The following OASL variants were observed in gnomAD, a reference collection of about 807,000 sequenced individuals.
OASL encodes 2'-5'-oligoadenylate synthase-like protein.
A neutral mutation model predicts 35.3 loss-of-function variants in OASL; 28 were observed. The observed-to-expected ratio is 0.79, with a 90% CI of 0.59 to 1.09. The LOEUF is 1.09. Among genes scored for constraint, OASL ranks in the 50% least tolerant of loss-of-function variants. OASL has a pLI of 0.00. For synonymous variants in OASL, 252 were observed against 254.6 expected (o/e 0.99, Z 0.10); for missense variants, 620 against 635.2 (o/e 0.98, Z 0.26).
chr12:121,020,906 A>G, exon 6 of OASL: 1 of 1,614,244 alleles, frequency 6.2e-7, no homozygotes, highest in Admixed American at 1.7e-5. Context: ...TCTCACTGCC[A>G]GGAACCTGGA....
chr12:121,021,001 T>C (rs1869212550), exon 6 of OASL: 1 of 1,612,872 alleles, frequency 6.2e-7, no homozygotes. Context: ...GGGTTCACGA[T>C]GAGGTTGAAA....
Position 121,033,482 on chromosome 12 carries a change from C to A in OASL, c.460G>T (p.Val154Leu), listed in dbSNP as rs184510019. ...TTACCCAGGGCTCTGTAGGCAGGCA[C>A]AATGGTGACCGTGATGGGCTCCGCA... is the stretch of plus-strand genomic sequence containing the variant. The change falls in exon 2 of 6, where the codon GTG becomes TTG. Residue 154 changes from valine (V) to leucine (L), a missense_variant. Physicochemically the swap from Val to Leu is conservative, Grantham distance 32. Transcript: ENST00000257570. 2.3e-4 allele frequency: 370 copies of A among 1,613,130 alleles called. 1 individual carries two copies. In the East Asian group the frequency reaches 7.9e-3, roughly 34 times the overall value.
chr12:121,031,507 A>T, exon 3 of OASL: 1 of 1,613,988 alleles, frequency 6.2e-7, no homozygotes, highest in South Asian at 1.1e-5. Context: ...TGTTTCACGA[A>T]ATTTCTCTGC....
intron 1 of OASL, among the ~76,000 whole-genome samples, chr12:121,035,342 T>C (rs770342953): frequency 3.3e-4 from 50 of 151,902 alleles, no homozygotes; most frequent in Non-Finnish European, 6.5e-4. Context: ...CTGGCCAACA[T>C]GGTGAAAGCA....
chr12:121,020,336 T>C (rs1869177235), exon 6 of OASL: 7 of 476,006 alleles, frequency 1.5e-5, no homozygotes, highest in Non-Finnish European at 2.6e-5. Context: ...GGTCTCCCTG[T>C]GATACCCAGG....
chr12:121,038,613 G>C (rs1418276215), intron 1 of OASL, among the ~76,000 whole-genome samples, 161 bp downstream of exon 1: 1 of 152,254 alleles, frequency 6.6e-6, no homozygotes, highest in East Asian at 1.9e-4. Flanking sequence ...ACTCAAGGCA[G>C]TGGTGCAGTG....
At chr12:121,030,258 A>G (rs2701189) in intron 3 of OASL, among the ~76,000 whole-genome samples, 68,316 of 151,936 alleles carry the variant, frequency 0.45, 16,134 homozygotes, top group East Asian at 0.74. Flanking sequence ...AGGCTGGAGT[A>G]CAGTGGCGCG....
intron 1 of OASL, among the ~76,000 whole-genome samples, chr12:121,034,168 G>T (rs550218933): frequency 6.7e-6 from 1 of 150,178 alleles, no homozygotes; most frequent in African/African-American, 2.4e-5. Flanking sequence ...CTCAGGTCTC[G>T]CAGTTTGCAG....
At position 121,039,040 on chromosome 12, in the gene OASL, C is replaced by T; in HGVS notation, c.-69G>A. 1 of 1,350,308 alleles carries T rather than the reference C, an allele frequency of 7.4e-7. No individual in the cohort carries two copies. Among genetic ancestry groups the T allele is most frequent in the Non-Finnish European group, 1.0e-6 (1 of 956,584 alleles). The allele number at this position is 1,350,308 out of a possible 1,614,324, so 83.6% of individuals were successfully genotyped here. On this transcript the variant is annotated 5_prime_UTR_variant, in exon 1 of 6. The change creates a new upstream start codon in the 5' untranslated region. Transcript: ENST00000257570. ...CTCCTACCCAGCTCCCTGGCACACA[C>T]CTCCTTTTTTAAGGTAGCTCCTCCT... is the stretch of plus-strand genomic sequence containing the variant.
chr12:121,027,745 A>AG lies in OASL; in HGVS notation c.729dup (p.Trp244LeufsTer6), dbSNP rs1313755696. On this transcript the variant is annotated frameshift_variant, in exon 4 of 6. Transcript: ENST00000257570. LOFTEE classifies it high-confidence loss of function. ...TCGTCTTCTTCAGTACCCATTTCCC[A>AG]GGCATAGATGGTTAGAAGTTCAAGA... The AG allele has an allele frequency of 1.2e-6, 2 of 1,614,178 alleles. No homozygotes were observed. The highest frequency in any genetic ancestry group is 1.7e-6 in the Non-Finnish European group (2 of 1,180,018).
chr12:121,039,010 C>T (rs975118227), exon 1 of OASL: 23 of 1,572,920 alleles, frequency 1.5e-5, no homozygotes, highest in African/African-American at 6.7e-5. Flanking sequence ...AGATATATAG[C>T]CAGGCTCCTA....
At chr12:121,031,054 C>T (rs1869707910) in intron 3 of OASL, among the ~76,000 whole-genome samples, 1 of 151,992 alleles carries the variant, frequency 6.6e-6, no homozygotes, top group African/African-American at 2.4e-5. Context: ...GGGAGGATCA[C>T]TTGAGCCAGG....
At chr12:121,018,198 C>A (rs941531330), downstream of OASL, among the ~76,000 whole-genome samples, 2 of 152,136 alleles carry the variant, frequency 1.3e-5, no homozygotes, top group Non-Finnish European at 2.9e-5. Flanking sequence ...GCGTGGCCAA[C>A]AGACAACATG....
chr12:121,021,188 T>C, intron 5 of OASL, 130 bp from the exon 6 acceptor site: 1 of 889,956 alleles, frequency 1.1e-6, no homozygotes, highest in Non-Finnish European at 1.7e-6. Flanking sequence ...GTTTAGGGAG[T>C]GGTAAGCACT....
chr12:121,021,390 G>A (rs932112523), intron 5 of OASL, among the ~76,000 whole-genome samples: 12 of 152,214 alleles, frequency 7.9e-5, no homozygotes, highest in African/African-American at 9.6e-5. Context: ...AGGTTGGTCA[G>A]ACTCCAGAGT....
intron 2 of OASL, among the ~76,000 whole-genome samples, chr12:121,033,164 T>C (rs1354779889): frequency 6.6e-6 from 1 of 152,094 alleles, no homozygotes; most frequent in African/African-American, 2.4e-5. Flanking sequence ...GACCTCATGA[T>C]CCACCTGCCT....
At chr12:121,033,652 G>C in exon 2 of OASL, 1 of 1,614,152 alleles carries the variant, frequency 6.2e-7, no homozygotes, top group Non-Finnish European at 8.5e-7. Flanking sequence ...ATGCTTGGCT[G>C]CCTCCTGGAA....
downstream of OASL, among the ~76,000 whole-genome samples, chr12:121,017,971 A>G (rs751163000): frequency 5.3e-5 from 8 of 152,224 alleles, no homozygotes; most frequent in Non-Finnish European, 1.2e-4. Flanking sequence ...TGTTAGGCAA[A>G]TATTCTTATG....
intron 1 of OASL, among the ~76,000 whole-genome samples, chr12:121,034,135 C>T (rs989205530): frequency 6.6e-6 from 1 of 151,406 alleles, no homozygotes; most frequent in Non-Finnish European, 1.5e-5. Flanking sequence ...ACACATTTGT[C>T]TTTCTCCTCA....
Sources: allele counts gnomAD v4.1 joint callset (sites outside exome capture counted in the v4.1 genomes callset), GRCh38; gene constraint gnomAD v4.1.1; transcripts MANE v1.5; gene names NCBI Gene and HGNC (gene_info 2026-07-23, HGNC 2026-07-21).